YTHDC2: variants seen among roughly 807,000 people sequenced by gnomAD.
YTHDC2 encodes YTH N6-methyladenosine RNA binding protein C2.
In YTHDC2, 45 loss-of-function variants were observed where a neutral mutation model predicts 174.9. The ratio of observed to expected loss-of-function variants is 0.26; its 90% CI spans 0.20 to 0.33. YTHDC2 has a LOEUF of 0.33. YTHDC2 is among the 10% of genes least tolerant of loss of function. The pLI, the probability that YTHDC2 is intolerant of heterozygous loss-of-function variation, is 1.00. For synonymous variants in YTHDC2, 657 were observed against 574.5 expected (o/e 1.14, Z -2.05); for missense variants, 1,650 against 1,723.7 (o/e 0.96, Z 0.76).
chr5:113,579,793 T>C (rs1778288122), intron 24 of YTHDC2, 98 bp downstream of exon 24: 3 of 1,347,312 alleles, frequency 2.2e-6, no homozygotes, highest in Non-Finnish European at 1.9e-6. Context: ...ATTGAGCCCT[T>C]AGTATCAGAG....
rs1169963195 is a variant in YTHDC2 at position 113,553,509 on chromosome 5, T to C, written c.1868-81T>C. 4 of 1,507,452 alleles carry C rather than the reference T, an allele frequency of 2.7e-6. No homozygotes were observed. In the South Asian group the frequency reaches 4.8e-5, roughly 18 times the overall value. 93.4% of individuals were successfully genotyped at this position (1,507,452 alleles called of 1,614,324 possible). ...GATAGTTTACCAGTACTTGAAAACA[T>C]GTGATACAGATTTTTATAATTCTGT... On this transcript the variant is annotated intron_variant, in intron 13 of 29. Coordinates refer to ENST00000161863, the MANE Select transcript of YTHDC2 (RefSeq NM_022828.5).
intron 20 of YTHDC2, among the ~76,000 whole-genome samples, chr5:113,564,546 T>C (rs1163238376): frequency 6.6e-6 from 1 of 152,202 alleles, no homozygotes; most frequent in Non-Finnish European, 1.5e-5. Flanking sequence ...GTTCAGCCTT[T>C]TTCTTGTTTG....
chr5:113,561,529 C>T (rs538671369), intron 18 of YTHDC2, among the ~76,000 whole-genome samples: 4 of 148,916 alleles, frequency 2.7e-5, no homozygotes, highest in African/African-American at 5.0e-5. Context: ...AGTGCAGTGG[C>T]GCGATCTCGG....
rs759397017 is a variant in YTHDC2 at position 113,539,055 on chromosome 5, A to AT, written c.1103-10dup. ...CTCCAAGATGCAAGTTGAGTATTTA[A>AT]TTTTTTTTTATTATTTAGTACAGGG... On this transcript the variant is annotated intron_variant, in intron 7 of 29. Transcript: ENST00000161863. 2.6e-4 allele frequency: 307 copies of AT among 1,201,144 alleles called. No individual in the cohort carries two copies. Among genetic ancestry groups the AT allele is most frequent in the South Asian group, 3.5e-4 (21 of 60,410 alleles). 74.4% of individuals were successfully genotyped at this position (1,201,144 alleles called of 1,614,324 possible).
chr5:113,552,774 A>G (rs776422662), intron 12 of YTHDC2, among the ~76,000 whole-genome samples: 1 of 152,040 alleles, frequency 6.6e-6, no homozygotes, highest in Non-Finnish European at 1.5e-5. Context: ...TTACATTTCC[A>G]CCAGCAATGC....
chr5:113,535,706 A>C lies in YTHDC2; in HGVS notation c.1010A>C (p.Gln337Pro), dbSNP rs201132988. 13 of 1,613,830 alleles carry C rather than the reference A, an allele frequency of 8.1e-6. No individual in the cohort carries two copies. In the East Asian group the frequency reaches 2.7e-4, roughly 33 times the overall value. ...CTTACAAAGTTAAGAGATTTGTTGCAAAAGCACCCAACTTTGAAACTAATT... is the reference window on the plus strand; with the variant it reads ...CTTACAAAGTTAAGAGATTTGTTGCCAAAGCACCCAACTTTGAAACTAATT... The part of the protein sequence containing the change: ...FLLTKLRDLL[Q>P]KHPTLKLILS... The change falls in exon 7 of 30, where the codon CAA (glutamine) becomes CCA (proline). Residue 337 changes from glutamine to proline, a missense_variant. Around this residue, in one of 5 missense-constraint regions of YTHDC2, gnomAD observed 411 missense variants for 380.6 expected, o/e 1.08. Transcript: ENST00000161863.
intron 10 of YTHDC2, among the ~76,000 whole-genome samples, chr5:113,543,475 C>T (rs1168856212): frequency 1.3e-5 from 2 of 152,208 alleles, no homozygotes; most frequent in Non-Finnish European, 2.9e-5. Flanking sequence ...TTCACTCCCC[C>T]TACTGTACAT....
chr5:113,541,968 C>A (rs1752570742), intron 9 of YTHDC2, among the ~76,000 whole-genome samples: 1 of 152,068 alleles, frequency 6.6e-6, no homozygotes, highest in African/African-American at 2.4e-5. Flanking sequence ...GAATCTAGCA[C>A]CCTACCAACA....
chr5:113,561,138 A>G lies in YTHDC2; in HGVS notation c.2275A>G (p.Asn759Asp). The G allele has an allele frequency of 4.3e-6, 7 of 1,613,176 alleles. No individual in the cohort carries two copies. The highest frequency in any genetic ancestry group is 5.9e-6 in the Non-Finnish European group (7 of 1,179,470). ...FRLFSRLRFQ[N>D]MLEFQTPELL... ...TCTGTTCAGTAGACTCCGATTCCAG[A>G]ATATGTTGGAATTTCAGACTCCGGA... Residue 759 changes from asparagine (N) to aspartate (D), a missense_variant, in exon 18 of 30, where the codon AAT (asparagine) becomes GAT (aspartate). Asn to Asp is a conservative substitution (Grantham distance 23, BLOSUM62 1). This residue lies in a region of YTHDC2 where 913 missense variants were observed against 940.4 expected (regional missense o/e 0.97). Coordinates refer to ENST00000161863, the MANE Select transcript of YTHDC2 (RefSeq NM_022828.5).
At chr5:113,568,819 A>C (rs987335164) in intron 23 of YTHDC2, among the ~76,000 whole-genome samples, 4 of 152,142 alleles carry the variant, frequency 2.6e-5, no homozygotes, top group Admixed American at 6.6e-5. Context: ...ATTGTGAATA[A>C]TGCTGCACTG....
intron 26 of YTHDC2, among the ~76,000 whole-genome samples, chr5:113,584,874 C>G (rs774861668): frequency 6.8e-6 from 1 of 147,022 alleles, no homozygotes; most frequent in Non-Finnish European, 1.5e-5. Flanking sequence ...CTCCTGGGCT[C>G]AAGTGATCTT....
intron 17 of YTHDC2, among the ~76,000 whole-genome samples, chr5:113,558,919 C>A (rs2112696508): frequency 3.6e-5 from 3 of 83,450 alleles, no homozygotes; most frequent in Non-Finnish European, 2.2e-5. Flanking sequence ...AAGACTCCGT[C>A]TCAAAAAAAA....
At chr5:113,584,551 G>T in intron 26 of YTHDC2, 72 bp downstream of exon 26, 5 of 1,282,182 alleles carry the variant, frequency 3.9e-6, no homozygotes, top group Non-Finnish European at 5.3e-6. Context: ...AAATAAAATT[G>T]TAAAACAATT....
At chr5:113,566,087 T>C in intron 21 of YTHDC2, 68 bp downstream of exon 21, 1 of 1,436,572 alleles carries the variant, frequency 7.0e-7, no homozygotes, top group Non-Finnish European at 9.3e-7. Context: ...TCATAGTATT[T>C]CTTATGTTAA....
chr5:113,556,284 T>C (rs919565618), intron 17 of YTHDC2, 150 bp downstream of exon 17: 19 of 456,626 alleles, frequency 4.2e-5, no homozygotes, highest in African/African-American at 3.4e-4. Context: ...CAAGCCATTT[T>C]GATACTTCCT....
intron 4 of YTHDC2, among the ~76,000 whole-genome samples, chr5:113,527,773 C>A (rs1774364202): frequency 6.6e-6 from 1 of 151,970 alleles, no homozygotes; most frequent in Non-Finnish European, 1.5e-5. Flanking sequence ...TATACAAGAT[C>A]TTTCTTTAGC....
intron 23 of YTHDC2, among the ~76,000 whole-genome samples, chr5:113,576,673 T>C (rs1221457863): frequency 6.6e-6 from 1 of 152,192 alleles, no homozygotes; most frequent in South Asian, 2.1e-4. Context: ...TCTCCATGCA[T>C]TTCTTTATAT....
chr5:113,535,507 A>G, intron 6 of YTHDC2, 135 bp from the exon 7 acceptor site: 1 of 788,620 alleles, frequency 1.3e-6, no homozygotes, highest in South Asian at 3.1e-5. Context: ...GTAATACAAA[A>G]TTTTCATGAA....
At chr5:113,592,238 G>A in intron 28 of YTHDC2, 60 bp downstream of exon 28, 2 of 1,461,282 alleles carry the variant, frequency 1.4e-6, no homozygotes, top group East Asian at 2.4e-5. Context: ...CTGTTATCCA[G>A]TGCTTTAATT....
Sources: allele counts gnomAD v4.1 joint callset (sites outside exome capture counted in the v4.1 genomes callset), GRCh38; gene constraint gnomAD v4.1.1; regional missense constraint gnomAD v4.1.1; transcripts MANE v1.5; gene names NCBI Gene and HGNC (gene_info 2026-07-23, HGNC 2026-07-21).